DLG2: variants seen among roughly 807,000 people sequenced by gnomAD.
The protein encoded by DLG2 is disks large homolog 2.
Under a neutral mutation model 132.5 loss-of-function variants are expected in DLG2, and 45 were observed. The observed-to-expected ratio is 0.34, with a 90% CI of 0.27 to 0.44. The LOEUF (loss-of-function observed/expected upper bound fraction) is 0.44. Ranked by LOEUF, DLG2 falls within the 20% of genes least tolerant of loss-of-function variation. DLG2 has a pLI of 1.00. For synonymous variants in DLG2, 424 were observed against 419.6 expected (o/e 1.01, Z -0.13); for missense variants, 1,045 against 1,196.9 (o/e 0.87, Z 1.87).
intron 17 of DLG2, among the ~76,000 whole-genome samples, chr11:83,820,052 A>G (rs1023584300): frequency 2.0e-5 from 3 of 152,208 alleles, no homozygotes; most frequent in Admixed American, 1.3e-4. Flanking sequence ...ACCAGTTTTA[A>G]TACTGTGATC....
intron 15 of DLG2, among the ~76,000 whole-genome samples, chr11:83,929,897 A>C (rs182051691): frequency 4.3e-4 from 65 of 152,322 alleles, no homozygotes; most frequent in Non-Finnish European, 2.8e-4. Context: ...TAAAATATTA[A>C]ATGATAATAG....
At chr11:84,468,960 C>A (rs2099101693) in intron 7 of DLG2, among the ~76,000 whole-genome samples, 1 of 151,484 alleles carries the variant, frequency 6.6e-6, no homozygotes, top group Middle Eastern at 3.2e-3. Context: ...CACCTCCAAG[C>A]ACCAAGTGAA....
chr11:85,031,265 T>C (rs1349444796), intron 6 of DLG2, among the ~76,000 whole-genome samples: 1 of 152,086 alleles, frequency 6.6e-6, no homozygotes, highest in South Asian at 2.1e-4. Context: ...AGTTTGCTAT[T>C]TCCTGATATG....
intron 18 of DLG2, among the ~76,000 whole-genome samples, chr11:83,752,754 C>A (rs772872669): frequency 3.3e-5 from 5 of 152,134 alleles, no homozygotes; most frequent in Non-Finnish European, 5.9e-5. Flanking sequence ...TTGATAATGC[C>A]AAATACAAAG....
chr11:83,620,634 G>C (rs1209723842), intron 19 of DLG2, among the ~76,000 whole-genome samples: 1 of 151,806 alleles, frequency 6.6e-6, no homozygotes, highest in East Asian at 1.9e-4. Flanking sequence ...ACTTTGGAAG[G>C]CCGAGGCGGG....
intron 8 of DLG2, among the ~76,000 whole-genome samples, chr11:84,220,417 C>T (rs1336040844): frequency 6.6e-6 from 1 of 152,178 alleles, no homozygotes; most frequent in Non-Finnish European, 1.5e-5. Flanking sequence ...CTTAATGACT[C>T]TAAACACAGA....
At chr11:85,412,656 T>C (rs1344538355) in intron 3 of DLG2, among the ~76,000 whole-genome samples, 1 of 150,258 alleles carries the variant, frequency 6.7e-6, no homozygotes, top group Non-Finnish European at 1.5e-5. Flanking sequence ...CTTAGAATAA[T>C]AGTCTCCAAT....
At position 84,657,454 on chromosome 11, in the gene DLG2, T is replaced by C. The variant is rs77214124; in HGVS notation, c.358-122723A>G. ...TGAGACCAGCTCTATGGCCTACACA[T>C]TGGACCAGAAGTCCTCAACCCTTTT... On this transcript the variant is annotated intron_variant, in intron 6 of 27. Coordinates refer to ENST00000376104, the MANE Select transcript of DLG2 (RefSeq NM_001142699.3). Among the ~76,000 whole-genome samples the C allele has an allele frequency of 2.9e-4, 44 of 152,218 alleles. 1 individual carries two copies. In the East Asian group the frequency reaches 8.5e-3, roughly 30 times the overall value.
At chr11:84,356,281 T>C (rs1161443252) in intron 7 of DLG2, among the ~76,000 whole-genome samples, 1 of 152,164 alleles carries the variant, frequency 6.6e-6, no homozygotes, top group African/African-American at 2.4e-5. Context: ...GCACTACTAT[T>C]CATTCACAAA....
intron 10 of DLG2, among the ~76,000 whole-genome samples, chr11:84,093,775 C>T (rs1239452099): frequency 1.3e-5 from 2 of 151,738 alleles, no homozygotes; most frequent in African/African-American, 2.4e-5. Flanking sequence ...CCACAACACC[C>T]CGCTAATTTT....
intron 4 of DLG2, among the ~76,000 whole-genome samples, chr11:85,154,991 A>G (rs942077128): frequency 1.3e-5 from 2 of 152,242 alleles, no homozygotes; most frequent in South Asian, 2.1e-4. Context: ...TTCACTTTAT[A>G]TAAGTTCTCA....
chr11:85,402,452 C>T (rs533594345), intron 3 of DLG2, among the ~76,000 whole-genome samples: 1 of 152,256 alleles, frequency 6.6e-6, no homozygotes, highest in East Asian at 1.9e-4. Flanking sequence ...ATGACTAAAA[C>T]ACCAAAAGCA....
Position 83,502,436 on chromosome 11 carries a change from T to C in DLG2, c.2194-18208A>G, listed in dbSNP as rs142685146. 8.7e-3 allele frequency among the ~76,000 whole-genome samples: 1,329 copies of C among 151,936 alleles called. 10 individuals are homozygous for C. Among genetic ancestry groups the C allele is most frequent in the Non-Finnish European group, 0.014 (970 of 67,928 alleles). On this transcript the variant is annotated intron_variant, in intron 21 of 27. Transcript: ENST00000376104. ...ACTTCTCCAGGCAAATTACTTCCTA[T>C]AAAATTTTATACCTTATTTCTAAAA... is the stretch of plus-strand genomic sequence containing the variant.
At chr11:85,335,378 C>A (rs1341542527) in intron 3 of DLG2, among the ~76,000 whole-genome samples, 1 of 152,110 alleles carries the variant, frequency 6.6e-6, no homozygotes, top group African/African-American at 2.4e-5. Flanking sequence ...CAATTTGCCA[C>A]TCTTTGCCTT....
At chr11:84,176,321 AT>A (rs2095965879) in intron 8 of DLG2, among the ~76,000 whole-genome samples, 1 of 139,218 alleles carries the variant, frequency 7.2e-6, no homozygotes, top group East Asian at 2.0e-4. Flanking sequence ...TAAAGCTTAT[AT>A]ATATATATAT....
chr11:84,186,369 A>G (rs1309872817), intron 8 of DLG2, among the ~76,000 whole-genome samples: 3 of 152,054 alleles, frequency 2.0e-5, no homozygotes, highest in Non-Finnish European at 2.9e-5. Flanking sequence ...AAATGAATGC[A>G]AATATAAACC....
intron 5 of DLG2, among the ~76,000 whole-genome samples, chr11:85,121,331 T>A (rs1407454326): frequency 4.6e-5 from 7 of 151,356 alleles, no homozygotes; most frequent in Non-Finnish European, 1.0e-4. Context: ...CACTTTAATG[T>A]TTTCATAGTA....
At chr11:85,545,506 G>A (rs951999139) in intron 3 of DLG2, among the ~76,000 whole-genome samples, 3 of 152,114 alleles carry the variant, frequency 2.0e-5, no homozygotes, top group Non-Finnish European at 1.5e-5. Context: ...GCCTCATGAA[G>A]TGAGTTAGGG....
chr11:83,829,894 C>T (rs1378165240), intron 17 of DLG2, among the ~76,000 whole-genome samples: 1 of 152,084 alleles, frequency 6.6e-6, no homozygotes. Flanking sequence ...TATCCCTCCC[C>T]ACTTGCCCCA....
Sources: gnomAD v4.1 joint callset for allele counts (sites outside exome capture counted in the v4.1 genomes callset) on GRCh38, gnomAD v4.1.1 for gene constraint, MANE v1.5 for transcripts, NCBI Gene and HGNC (gene_info 2026-07-23, HGNC 2026-07-21) for gene names.